The following IGF1R variants were observed in gnomAD, a reference collection of about 807,000 sequenced individuals.
The protein encoded by IGF1R is insulin-like growth factor 1 receptor.
IGF1R carries 44 observed loss-of-function variants against 144.6 expected under a neutral mutation model. The ratio of observed to expected loss-of-function variants is 0.30; its 90% CI spans 0.24 to 0.39. The LOEUF (loss-of-function observed/expected upper bound fraction) is 0.39. Among genes scored for constraint, IGF1R ranks in the 10% least tolerant of loss-of-function variants. The probability of loss-of-function intolerance (pLI) is 1.00; values close to 1 mark genes in which losing one functional copy is unlikely to be tolerated. For missense variants in IGF1R, 1,355 were observed against 1,833.7 expected (o/e 0.74, Z 4.77); for synonymous variants, 795 against 722.8 (o/e 1.10, Z -1.60).
intron 20 of IGF1R, among the ~76,000 whole-genome samples, chr15:98,951,259 G>A (rs2016762122): frequency 6.6e-6 from 1 of 152,234 alleles, no homozygotes; most frequent in Non-Finnish European, 1.5e-5. Context: ...GGCCAGTGAT[G>A]GGAGGCTCCT....
chr15:98,895,301 G>C (rs192361097), intron 3 of IGF1R, among the ~76,000 whole-genome samples: 5 of 151,934 alleles, frequency 3.3e-5, no homozygotes, highest in African/African-American at 9.7e-5. Context: ...CTTATATCAT[G>C]TAAGATGTAG....
At chr15:98,683,255 G>A (rs1345048193) in intron 1 of IGF1R, among the ~76,000 whole-genome samples, 1 of 152,130 alleles carries the variant, frequency 6.6e-6, no homozygotes, top group Non-Finnish European at 1.5e-5. Context: ...AGCAGATACA[G>A]CGCCTTTTCA....
At chr15:98,748,596 A>G (rs900409656) in intron 2 of IGF1R, among the ~76,000 whole-genome samples, 3 of 152,216 alleles carry the variant, frequency 2.0e-5, no homozygotes. Context: ...CCAGAATTGG[A>G]AAATTGGAAA....
chr15:98,946,042 C>CT (rs2016540094), intron 19 of IGF1R, among the ~76,000 whole-genome samples: 1 of 151,796 alleles, frequency 6.6e-6, no homozygotes, highest in Non-Finnish European at 1.5e-5. Flanking sequence ...ACGATGACAG[C>CT]GTCGTCGTCG....
At chr15:98,893,242 G>A (rs538132637) in intron 3 of IGF1R, among the ~76,000 whole-genome samples, 4 of 152,260 alleles carry the variant, frequency 2.6e-5, no homozygotes, top group South Asian at 4.1e-4. Context: ...ATTTGGAGAC[G>A]CAGCTTCTAC....
At chr15:98,861,742 C>G (rs1442783975) in intron 2 of IGF1R, among the ~76,000 whole-genome samples, 1 of 152,178 alleles carries the variant, frequency 6.6e-6, no homozygotes, top group Non-Finnish European at 1.5e-5. Context: ...ATCAGAGAAG[C>G]CTTAGCATGG....
chr15:98,939,104 C>A, intron 17 of IGF1R, 97 bp from the exon 18 acceptor site: 1 of 1,003,202 alleles, frequency 1.0e-6, no homozygotes, highest in Non-Finnish European at 1.6e-6. Flanking sequence ...CCCACGGTGC[C>A]CAGATTGAAC....
In IGF1R at chr15:98,891,683, C is replaced by A; in HGVS notation, c.953+46C>A. 1.9e-6 allele frequency: 3 copies of A among 1,564,388 alleles called. No homozygotes were observed. The highest frequency in any genetic ancestry group is 2.3e-5 in the East Asian group (1 of 44,402). The stretch of plus-strand genomic sequence containing the variant: ...TGGTCACTACCCGCCCCACCTCACC[C>A]GCCACCCTAGCACACAAAGGTAGAC... On this transcript the variant is annotated intron_variant, in intron 3 of 20. Transcript: ENST00000650285. This position sits in a 1 kb window ranked among gnomAD's most constrained non-coding sequence, Gnocchi z 4.7.
chr15:98,695,299 A>G (rs540601880), intron 1 of IGF1R, among the ~76,000 whole-genome samples: 189 of 152,248 alleles, frequency 1.2e-3, no homozygotes, highest in African/African-American at 4.4e-3. Flanking sequence ...TGACGGGTCA[A>G]GGCATTGGGG....
At chr15:98,896,465 G>T (rs1567183587) in intron 3 of IGF1R, among the ~76,000 whole-genome samples, 1 of 152,176 alleles carries the variant, frequency 6.6e-6, no homozygotes, top group Non-Finnish European at 1.5e-5. Context: ...TGGCTCACCA[G>T]TCAACAGCCT....
chr15:98,852,260 C>G (rs2141561235), intron 2 of IGF1R, among the ~76,000 whole-genome samples: 1 of 152,176 alleles, frequency 6.6e-6, no homozygotes, highest in South Asian at 2.1e-4. Context: ...GCCCTTCCTG[C>G]TCTCCCCTCC....
chr15:98,731,966 C>T (rs543345082), intron 2 of IGF1R, among the ~76,000 whole-genome samples: 1 of 152,330 alleles, frequency 6.6e-6, no homozygotes, highest in East Asian at 1.9e-4. Flanking sequence ...CTCAGAGAGA[C>T]AGTCTTCACC....
intron 2 of IGF1R, among the ~76,000 whole-genome samples, chr15:98,729,625 G>T (rs559430195): frequency 6.6e-6 from 1 of 150,952 alleles, no homozygotes; most frequent in South Asian, 2.1e-4. Context: ...AGCAGGCTGT[G>T]TGTGTGGTCT....
Position 98,916,885 on chromosome 15 carries a change from C to G in IGF1R, c.2201+9C>G. ...TCCATCTTCGTGCCCAGGTACCCAGCTCATGTGAAATTTCAGTTGGCAAAA... is the reference window on the plus strand; with the variant it reads ...TCCATCTTCGTGCCCAGGTACCCAGGTCATGTGAAATTTCAGTTGGCAAAA... On this transcript the variant is annotated intron_variant, in intron 10 of 20. Transcript: ENST00000650285. 5 of 1,613,510 alleles carry G rather than the reference C, an allele frequency of 3.1e-6. No individual in the cohort carries two copies. The highest frequency in any genetic ancestry group is 4.2e-6 in the Non-Finnish European group (5 of 1,179,472).
At chr15:98,685,241 G>T (rs1221567414) in intron 1 of IGF1R, among the ~76,000 whole-genome samples, 4 of 152,090 alleles carry the variant, frequency 2.6e-5, no homozygotes, top group Non-Finnish European at 5.9e-5. Context: ...CACCATGCCC[G>T]GCTGGAACTG....
intron 2 of IGF1R, among the ~76,000 whole-genome samples, chr15:98,744,774 T>C (rs2054825604): frequency 6.6e-6 from 1 of 151,448 alleles, no homozygotes; most frequent in Non-Finnish European, 1.5e-5. Flanking sequence ...TTTTTTTTTT[T>C]CTTTTGGCGT....
At chr15:98,762,353 C>T (rs1214347199) in intron 2 of IGF1R, among the ~76,000 whole-genome samples, 1 of 151,754 alleles carries the variant, frequency 6.6e-6, no homozygotes, top group African/African-American at 2.4e-5. Context: ...TCGCCTGCCT[C>T]AGACTTCATT....
intron 1 of IGF1R, among the ~76,000 whole-genome samples, chr15:98,676,767 T>G (rs556247047): frequency 6.6e-6 from 1 of 152,330 alleles, no homozygotes; most frequent in African/African-American, 2.4e-5. Context: ...GTTTCTCCAT[T>G]TACTCAACTA....
intron 2 of IGF1R, among the ~76,000 whole-genome samples, chr15:98,871,416 T>C (rs2012779125): frequency 1.3e-5 from 2 of 152,360 alleles, no homozygotes; most frequent in African/African-American, 4.8e-5. Flanking sequence ...CTTCTTCACC[T>C]GTTTCTTTAT....
Sources: allele counts gnomAD v4.1 joint callset (sites outside exome capture counted in the v4.1 genomes callset), GRCh38; gene constraint gnomAD v4.1.1; non-coding constraint Gnocchi (gnomAD v3.1); transcripts MANE v1.5; gene names NCBI Gene and HGNC (gene_info 2026-07-23, HGNC 2026-07-21).